The following GALNT14 variants were observed in gnomAD, a reference collection of about 807,000 sequenced individuals.
The protein encoded by GALNT14 is polypeptide N-acetylgalactosaminyltransferase 14.
Under a neutral mutation model 77.5 loss-of-function variants are expected in GALNT14, and 60 were observed. That is an observed-to-expected ratio of 0.77 (90% confidence interval 0.63 to 0.96). GALNT14 has a LOEUF of 0.96. Ranked by LOEUF, GALNT14 falls within the 40% of genes least tolerant of loss-of-function variation. The pLI is 0.00. For synonymous variants in GALNT14, 280 were observed against 281.7 expected (o/e 0.99, Z 0.06); for missense variants, 710 against 731.0 (o/e 0.97, Z 0.33).
At chr2:31,134,246 C>T (rs1402618464) in intron 1 of GALNT14, among the ~76,000 whole-genome samples, 5 of 152,214 alleles carry the variant, frequency 3.3e-5, no homozygotes, top group African/African-American at 1.2e-4. Context: ...CTACACCTTT[C>T]CCAACTTCTC....
chr2:31,012,450 T>C (rs564687757), intron 1 of GALNT14, among the ~76,000 whole-genome samples: 39 of 152,228 alleles, frequency 2.6e-4, no homozygotes, highest in African/African-American at 9.4e-4. Flanking sequence ...GGAGTGTGGC[T>C]TTTCTCTCTG....
chr2:30,921,947 G>A (rs992172569), intron 13 of GALNT14, among the ~76,000 whole-genome samples: 2 of 152,188 alleles, frequency 1.3e-5, no homozygotes, highest in African/African-American at 4.8e-5. Context: ...TGTCAAGAGT[G>A]CTGAGATTAA....
At chr2:30,976,925 G>A (rs1410916044) in intron 2 of GALNT14, among the ~76,000 whole-genome samples, 4 of 152,070 alleles carry the variant, frequency 2.6e-5, no homozygotes, top group African/African-American at 9.7e-5. Flanking sequence ...TCTCATGGTG[G>A]TGGAGAGGGA....
At chr2:31,055,953 G>T (rs1674183359) in intron 1 of GALNT14, among the ~76,000 whole-genome samples, 1 of 152,226 alleles carries the variant, frequency 6.6e-6, no homozygotes, top group South Asian at 2.1e-4. Context: ...CAACCAGCGT[G>T]CAACTTGGTT....
chr2:30,886,806 C>T, the GALNT14 span, among the ~76,000 whole-genome samples: 1 of 152,154 alleles, frequency 6.6e-6, no homozygotes, highest in African/African-American at 2.4e-5. Flanking sequence ...ATTTAATGGC[C>T]TTTAGTACAT....
At chr2:30,947,259 A>C (rs1274339565) in intron 6 of GALNT14, among the ~76,000 whole-genome samples, 1 of 152,202 alleles carries the variant, frequency 6.6e-6, no homozygotes, top group Non-Finnish European at 1.5e-5. Flanking sequence ...CTCAGCTGCT[A>C]AAAACTTTAA....
At chr2:31,087,090 C>T (rs1676465273) in intron 1 of GALNT14, among the ~76,000 whole-genome samples, 1 of 151,908 alleles carries the variant, frequency 6.6e-6, no homozygotes, top group Non-Finnish European at 1.5e-5. Flanking sequence ...ACCATGTGAC[C>T]CAGAAGATGA....
intron 7 of GALNT14, 88 bp downstream of exon 7, chr2:30,945,695 G>A: frequency 9.3e-7 from 1 of 1,077,360 alleles, no homozygotes; most frequent in South Asian, 1.3e-5. Context: ...AAGCAACTAA[G>A]AGCTTTTCCT....
chr2:31,014,209 A>G (rs1156541225), intron 1 of GALNT14, among the ~76,000 whole-genome samples: 1 of 152,234 alleles, frequency 6.6e-6, no homozygotes, highest in Non-Finnish European at 1.5e-5. Flanking sequence ...GTAAATGTCA[A>G]TTAAGAGGAG....
At position 30,917,076 on chromosome 2, in the gene GALNT14, C is replaced by CAAAAAAAAAAAAAAA. The variant is rs529653696; in HGVS notation, c.1381-4749_1381-4735dup. ...TGGGCAAAAGAGTAAGACTCCGTCT[C>CAAAAAAAAAAAAAAA]AAAAAAAAAAAAAAAAAAAAAAAAA... is the stretch of plus-strand genomic sequence containing the variant. On this transcript the variant is annotated intron_variant, in intron 13 of 14. Coordinates refer to ENST00000349752, the MANE Select transcript of GALNT14 (RefSeq NM_024572.4). Among the ~76,000 whole-genome samples, 49 of 19,904 alleles carry CAAAAAAAAAAAAAAA rather than the reference C, an allele frequency of 2.5e-3. 11 individuals are homozygous for CAAAAAAAAAAAAAAA. Among genetic ancestry groups the CAAAAAAAAAAAAAAA allele is most frequent in the Non-Finnish European group, 3.5e-3 (38 of 10,808 alleles). 13.1% of individuals were successfully genotyped at this position (19,904 alleles called of 152,430 possible).
At chr2:30,954,463 C>A (rs1429247105) in intron 6 of GALNT14, among the ~76,000 whole-genome samples, 2 of 152,088 alleles carry the variant, frequency 1.3e-5, no homozygotes, top group African/African-American at 2.4e-5. Context: ...TGGGTTCAAG[C>A]GATTCTAGAG....
At chr2:30,983,316 TTTG>T (rs889824937) in intron 2 of GALNT14, among the ~76,000 whole-genome samples, 11 of 151,840 alleles carry the variant, frequency 7.2e-5, no homozygotes, top group African/African-American at 2.2e-4. Context: ...GTCTGTTTTT[TTTG>T]TTGTTGTTGT....
intron 1 of GALNT14, among the ~76,000 whole-genome samples, chr2:31,079,784 T>C (rs1416412993): frequency 6.6e-6 from 1 of 152,228 alleles, no homozygotes; most frequent in Non-Finnish European, 1.5e-5. Context: ...TGTACGGTCC[T>C]ACAACCCAAC....
At chr2:31,082,745 C>T (rs1264525248) in intron 1 of GALNT14, among the ~76,000 whole-genome samples, 1 of 152,112 alleles carries the variant, frequency 6.6e-6, no homozygotes, top group Admixed American at 6.5e-5. Flanking sequence ...ATTGGCTGGG[C>T]ACGGTGGCTC....
At chr2:31,024,389 C>T (rs1424626801) in intron 1 of GALNT14, among the ~76,000 whole-genome samples, 1 of 152,112 alleles carries the variant, frequency 6.6e-6, no homozygotes, top group Admixed American at 6.6e-5. Flanking sequence ...AAAGGCCCCA[C>T]CAAGGCCCCA....
At chr2:30,975,787 T>C (rs1407827290) in intron 2 of GALNT14, among the ~76,000 whole-genome samples, 1 of 152,208 alleles carries the variant, frequency 6.6e-6, no homozygotes, top group African/African-American at 2.4e-5. Flanking sequence ...AAAAACATTA[T>C]AGAGACAGTA....
chr2:31,072,430 C>T (rs1440062990), intron 1 of GALNT14, among the ~76,000 whole-genome samples: 1 of 151,848 alleles, frequency 6.6e-6, no homozygotes, highest in African/African-American at 2.4e-5. Context: ...TTTTCACCTT[C>T]GCCTGACCTC....
chr2:31,044,044 A>G (rs951325571), intron 1 of GALNT14, among the ~76,000 whole-genome samples: 1 of 152,236 alleles, frequency 6.6e-6, no homozygotes, highest in African/African-American at 2.4e-5. Flanking sequence ...TACTCTGTCA[A>G]GGCACAGTGA....
At chr2:30,991,582 T>C (rs1669705289) in intron 2 of GALNT14, among the ~76,000 whole-genome samples, 2 of 152,180 alleles carry the variant, frequency 1.3e-5, no homozygotes, top group Non-Finnish European at 2.9e-5. Flanking sequence ...AGGCAGAGCC[T>C]CATGGGTCCC....
Sources: allele counts gnomAD v4.1 joint callset (sites outside exome capture counted in the v4.1 genomes callset), GRCh38; gene constraint gnomAD v4.1.1; transcripts MANE v1.5; gene names NCBI Gene and HGNC (gene_info 2026-07-23, HGNC 2026-07-21).